Variants in BLTP1 observed in about 807,000 individuals in gnomAD.
The protein encoded by BLTP1 is bridge-like lipid transfer protein family member 1.
the BLTP1 span, among the ~76,000 whole-genome samples, chr4:122,252,458 C>A: frequency 1.3e-5 from 2 of 152,120 alleles, no homozygotes; most frequent in Non-Finnish European, 2.9e-5. Context: ...GCAGCATTCA[C>A]CACAAGCTGA....
chr4:122,314,591 A>G, the BLTP1 span, among the ~76,000 whole-genome samples: 1 of 152,188 alleles, frequency 6.6e-6, no homozygotes, highest in Admixed American at 6.5e-5. Context: ...TGAGAGAGGT[A>G]GAAATTGATT....
At chr4:122,324,629 A>ATTTTT in the BLTP1 span, 3 of 989,344 alleles carry the variant, frequency 3.0e-6, no homozygotes, top group Non-Finnish European at 4.3e-6. Flanking sequence ...TATAAAATTA[A>ATTTTT]GATAACAAAA....
chr4:122,320,124 T>C, the BLTP1 span, among the ~76,000 whole-genome samples: 4 of 152,292 alleles, frequency 2.6e-5, no homozygotes, highest in Non-Finnish European at 5.9e-5. Context: ...TTTCTCTTAG[T>C]TTGGGCCTCA....
At chr4:122,164,224 T>C in the BLTP1 span, among the ~76,000 whole-genome samples, 1 of 152,170 alleles carries the variant, frequency 6.6e-6, no homozygotes, top group Non-Finnish European at 1.5e-5. Context: ...CACCTATACC[T>C]TGGCCATGGT....
the BLTP1 span, chr4:122,204,501 C>G: frequency 1.0e-6 from 1 of 979,472 alleles, no homozygotes; most frequent in Non-Finnish European, 1.2e-6. Context: ...CTTGGGCAGA[C>G]TTATGAGGCT....
At chr4:122,309,324 C>T in the BLTP1 span, 1 of 1,613,362 alleles carries the variant, frequency 6.2e-7, no homozygotes, top group Non-Finnish European at 8.5e-7. Context: ...ATTGAAAGTA[C>T]TCTCATCACT....
At chr4:122,284,958 A>C in the BLTP1 span, among the ~76,000 whole-genome samples, 3 of 152,212 alleles carry the variant, frequency 2.0e-5, no homozygotes, top group Admixed American at 6.5e-5. Flanking sequence ...GGCTTTCTTT[A>C]TTAAGAGTAA....
chr4:122,299,259 C>T, the BLTP1 span: 1 of 403,858 alleles, frequency 2.5e-6, no homozygotes, highest in South Asian at 1.0e-4. Context: ...TCAGTAAGCA[C>T]TCAAATATTA....
At chr4:122,249,399 C>T in the BLTP1 span, 17 of 1,534,700 alleles carry the variant, frequency 1.1e-5, no homozygotes, top group East Asian at 3.6e-4. Context: ...TAAAGACAAC[C>T]AGTGTGCCAT....
chr4:122,322,386 A>G, the BLTP1 span, among the ~76,000 whole-genome samples: 1 of 151,820 alleles, frequency 6.6e-6, no homozygotes, highest in African/African-American at 2.4e-5. Flanking sequence ...GGTTCTTAGA[A>G]TTGTCATCTT....
At chr4:122,312,680 TAAC>T in the BLTP1 span, 1 of 214,664 alleles carries the variant, frequency 4.7e-6, no homozygotes, top group Non-Finnish European at 8.0e-6. Flanking sequence ...AAAAACATAA[TAAC>T]AAGTAGATCC....
the BLTP1 span, chr4:122,192,052 C>A: frequency 5.2e-6 from 1 of 190,566 alleles, no homozygotes; most frequent in Non-Finnish European, 9.7e-6. Flanking sequence ...TAATTTTGAA[C>A]ATAGTAATTC....
chr4:122,353,737 A>G, the BLTP1 span: 4 of 1,473,816 alleles, frequency 2.7e-6, no homozygotes, highest in African/African-American at 2.8e-5. This position sits in a 1 kb window ranked among gnomAD's most constrained non-coding sequence, Gnocchi z 4.3. Context: ...CTGAATTTAT[A>G]GCTCTGAGGC....
At chr4:122,306,571 G>A in the BLTP1 span, 2 of 984,590 alleles carry the variant, frequency 2.0e-6, no homozygotes, top group Non-Finnish European at 2.4e-6. Flanking sequence ...CTTTGAATTA[G>A]GAGTTCACCA....
At chr4:122,239,675 C>A in the BLTP1 span, 14 of 1,614,008 alleles carry the variant, frequency 8.7e-6, no homozygotes, top group Non-Finnish European at 1.1e-5. Flanking sequence ...TCTATGGGGA[C>A]AAGCAGCCTG....
the BLTP1 span, chr4:122,188,000 C>T: frequency 6.3e-7 from 1 of 1,595,558 alleles, no homozygotes; most frequent in Non-Finnish European, 8.5e-7. Flanking sequence ...TCATCTTGAC[C>T]AATTCATGCA....
the BLTP1 span, chr4:122,215,517 G>A: frequency 3.5e-5 from 34 of 985,208 alleles, no homozygotes; most frequent in Non-Finnish European, 3.7e-5. Flanking sequence ...GTGATTTTCT[G>A]GGGGCCATTT....
chr4:122,239,690 A>C, the BLTP1 span: 6 of 1,614,130 alleles, frequency 3.7e-6, no homozygotes, highest in Non-Finnish European at 5.1e-6. Context: ...AGCCTGTAAC[A>C]GTTGGAGTCC....
chr4:122,164,698 G>A, the BLTP1 span, among the ~76,000 whole-genome samples: 1 of 151,830 alleles, frequency 6.6e-6, no homozygotes, highest in Admixed American at 6.6e-5. Flanking sequence ...TGATTATATT[G>A]GTATGGACTC....
Sources: allele counts gnomAD v4.1 joint callset (sites outside exome capture counted in the v4.1 genomes callset), GRCh38; gene constraint gnomAD v4.1.1; non-coding constraint Gnocchi (gnomAD v3.1); transcripts MANE v1.5; gene names NCBI Gene and HGNC (gene_info 2026-07-23, HGNC 2026-07-21).